The following EPHX1 variants were observed in gnomAD, a reference collection of about 807,000 sequenced individuals.
EPHX1 encodes the protein epoxide hydratase.
A neutral mutation model predicts 43.2 loss-of-function variants in EPHX1; 40 were observed. The observed-to-expected ratio is 0.93, with a 90% CI of 0.72 to 1.21. The LOEUF (loss-of-function observed/expected upper bound fraction) is 1.21. EPHX1 is among the 50% of genes most tolerant of loss of function. EPHX1 has a pLI of 0.00. For missense variants in EPHX1, 550 were observed against 570.4 expected (o/e 0.96, Z 0.36); for synonymous variants, 221 against 226.7 (o/e 0.98, Z 0.22).
In EPHX1 at chr1:225,838,676, C is replaced by A. The variant is rs112721617; in HGVS notation, c.387C>A (p.His129Gln). ...CAGGGCTGGACATCCACTTCATCCA[C>A]GTGAAGCCCCCCCAGCTGCCCGCAG... ...KIEGLDIHFI[H>Q]VKPPQLPAGH... Residue 129 changes from histidine (H) to glutamine (Q), a missense_variant, in exon 4 of 9, where the codon CAC becomes CAA. Transcript: ENST00000272167. 1.7e-3 allele frequency: 2,805 copies of A among 1,614,080 alleles called. 1 individual carries two copies. Among genetic ancestry groups the A allele is most frequent in the Non-Finnish European group, 2.2e-3 (2,554 of 1,179,972 alleles).
At chr1:225,818,578 A>G (rs1666830434) in intron 1 of EPHX1, among the ~76,000 whole-genome samples, 1 of 152,166 alleles carries the variant, frequency 6.6e-6, no homozygotes, top group Admixed American at 6.5e-5. Flanking sequence ...CATGGTGAGC[A>G]CAAAACTGAA....
intron 3 of EPHX1, among the ~76,000 whole-genome samples, chr1:225,834,515 G>A (rs1256134145): frequency 6.8e-6 from 1 of 147,122 alleles, no homozygotes; most frequent in Non-Finnish European, 1.5e-5. Flanking sequence ...GAATGAGCCA[G>A]AGAAAAGCTA....
At chr1:225,840,224 T>A (rs1668290010) in intron 6 of EPHX1, among the ~76,000 whole-genome samples, 187 bp downstream of exon 6, 1 of 152,254 alleles carries the variant, frequency 6.6e-6, no homozygotes, top group African/African-American at 2.4e-5. Flanking sequence ...CTCAGCAGAT[T>A]CCCAGGCCAA....
At chr1:225,828,298 T>A (rs1667364088) in intron 1 of EPHX1, among the ~76,000 whole-genome samples, 1 of 151,250 alleles carries the variant, frequency 6.6e-6, no homozygotes, top group African/African-American at 2.4e-5. Context: ...GAGCTGAGAT[T>A]GTGCCACTGC....
chr1:225,833,577 C>T (rs928550584), intron 3 of EPHX1, among the ~76,000 whole-genome samples: 5 of 151,802 alleles, frequency 3.3e-5, no homozygotes, highest in African/African-American at 4.8e-5. Flanking sequence ...AGGTGGATCA[C>T]GAGGTCAGGA....
At chr1:225,840,369 G>A (rs1668299549) in intron 6 of EPHX1, among the ~76,000 whole-genome samples, 2 of 152,178 alleles carry the variant, frequency 1.3e-5, no homozygotes, top group African/African-American at 2.4e-5. Flanking sequence ...GGAGTGGGCA[G>A]CTCTGGGGCT....
rs1668128678 is a variant in EPHX1 at position 225,838,878 on chromosome 1, A to T, written c.589A>T (p.Lys197Ter). The change falls in exon 4 of 9, where the codon AAG (lysine) becomes TAG (stop). Residue 197 changes from lysine to a stop codon, truncating the protein, a stop_gained. Coordinates refer to ENST00000272167, the MANE Select transcript of EPHX1 (RefSeq NM_001136018.4). LOFTEE classifies it high-confidence loss of function. ...TGGCTTCTCAGAGGCATCCTCCAAG[A>T]AGGGTACGGGGCTGCTAGAGGTTCC... ...GYGFSEASSK[K>*]GFNSVATARI... 6.2e-7 allele frequency: 1 copy of T among 1,613,862 alleles called. No individual in the cohort carries two copies.
chr1:225,816,088 G>A (rs1370656503), intron 1 of EPHX1, among the ~76,000 whole-genome samples: 4 of 152,186 alleles, frequency 2.6e-5, no homozygotes, highest in African/African-American at 7.2e-5. Flanking sequence ...ACAGGAGTTT[G>A]AGACCAGCCT....
intron 3 of EPHX1, 51 bp from the exon 4 acceptor site, chr1:225,838,603 C>A: frequency 1.3e-6 from 2 of 1,532,740 alleles, no homozygotes; most frequent in Non-Finnish European, 1.8e-6. Context: ...AGAGCCTGAC[C>A]GTGCAGGGTC....
chr1:225,842,335 A>G lies in EPHX1; in HGVS notation c.932-31A>G. 2.7e-6 allele frequency: 4 copies of G among 1,486,558 alleles called. No individual in the cohort carries two copies. The South Asian group carries it at 4.5e-5, about 17-fold the overall frequency. 92.1% of individuals were successfully genotyped at this position (1,486,558 alleles called of 1,614,324 possible). A position where few individuals can be genotyped will look rare whatever the true frequency, so the allele number is the denominator to read the frequency against. ...TCCAGCTCTCTGGTCCCCAGGCCTG[A>G]GTCTCTCCCTTGCTCCCCGCTCCCC... On this transcript the variant is annotated intron_variant, in intron 6 of 8. Transcript: ENST00000272167.
At chr1:225,813,100 G>A (rs184103086) in intron 1 of EPHX1, among the ~76,000 whole-genome samples, 42 of 152,330 alleles carry the variant, frequency 2.8e-4, no homozygotes, top group African/African-American at 9.4e-4. Context: ...TGATTCTGTG[G>A]CAAAGTCTGA....
intron 3 of EPHX1, among the ~76,000 whole-genome samples, chr1:225,833,622 T>C (rs548770423): frequency 4.7e-5 from 7 of 148,200 alleles, no homozygotes; most frequent in Admixed American, 2.0e-4. Flanking sequence ...GGTGAAATCC[T>C]GTCTCTAATA....
intron 1 of EPHX1, among the ~76,000 whole-genome samples, chr1:225,813,227 GC>G (rs780411668): frequency 2.0e-5 from 3 of 152,208 alleles, no homozygotes; most frequent in Non-Finnish European, 2.9e-5. Context: ...GAAGGCCCTG[GC>G]CACAGGGTAG....
chr1:225,829,368 C>T (rs781561643), intron 2 of EPHX1, among the ~76,000 whole-genome samples: 9 of 152,188 alleles, frequency 5.9e-5, no homozygotes, highest in Non-Finnish European at 1.2e-4. Context: ...ACGGTGATCC[C>T]GCGGGGTGAG....
At chr1:225,816,032 C>T (rs577467313) in intron 1 of EPHX1, among the ~76,000 whole-genome samples, 179 of 152,332 alleles carry the variant, frequency 1.2e-3, no homozygotes, top group Non-Finnish European at 2.2e-3. Flanking sequence ...GTGGCTCATG[C>T]CTGTAATCCC....
chr1:225,813,539 C>T (rs187413339), intron 1 of EPHX1, among the ~76,000 whole-genome samples: 5 of 152,364 alleles, frequency 3.3e-5, no homozygotes, highest in East Asian at 1.9e-4. Flanking sequence ...GAAAACTGCG[C>T]AATCCAATCC....
At chr1:225,842,917 T>TCTACA (rs1668550027) in intron 7 of EPHX1, among the ~76,000 whole-genome samples, 1 of 152,202 alleles carries the variant, frequency 6.6e-6, no homozygotes, top group Non-Finnish European at 1.5e-5. Context: ...GGCTGTATCC[T>TCTACA]CTACATGCCT....
intron 7 of EPHX1, 144 bp from the exon 8 acceptor site, chr1:225,844,354 C>T (rs1335933141): frequency 1.5e-6 from 2 of 1,304,538 alleles, no homozygotes; most frequent in East Asian, 4.6e-5. Context: ...CTGCCTGTGA[C>T]ACGAGGATAC....
chr1:225,828,088 G>A (rs1287098197), intron 1 of EPHX1, among the ~76,000 whole-genome samples: 1 of 152,194 alleles, frequency 6.6e-6, no homozygotes, highest in Non-Finnish European at 1.5e-5. Context: ...GCTCACACCT[G>A]TAATCCCAGC....
Sources: gnomAD v4.1 joint callset for allele counts (sites outside exome capture counted in the v4.1 genomes callset) on GRCh38, gnomAD v4.1.1 for gene constraint, MANE v1.5 for transcripts, NCBI Gene and HGNC (gene_info 2026-07-23, HGNC 2026-07-21) for gene names.